NDUFB8: variants seen among roughly 807,000 people sequenced by gnomAD.
The protein encoded by NDUFB8 is NADH:ubiquinone oxidoreductase subunit B8.
Under a neutral mutation model 26.0 loss-of-function variants are expected in NDUFB8, and 17 were observed. The observed-to-expected ratio is 0.65, with a 90% CI of 0.45 to 0.98. The LOEUF is 0.98. Among genes scored for constraint, NDUFB8 ranks in the 50% least tolerant of loss-of-function variants. The pLI is 0.00. For synonymous variants in NDUFB8, 89 were observed against 93.1 expected (o/e 0.96, Z 0.25); for missense variants, 238 against 255.0 (o/e 0.93, Z 0.45).
chr10:100,525,899 A>G (rs952503826), intron 4 of NDUFB8: 5 of 153,644 alleles, frequency 3.3e-5, no homozygotes, highest in African/African-American at 1.2e-4. Flanking sequence ...TAACTTATCT[A>G]AATTTTCTTA....
Position 100,526,019 on chromosome 10 carries a change from C to A in NDUFB8, c.468+380G>T, listed in dbSNP as rs748530356. 5 of 175,054 alleles carry A rather than the reference C, an allele frequency of 2.9e-5. No individual in the cohort carries two copies. In the South Asian group the frequency reaches 7.3e-4, roughly 25 times the overall value. 10.8% of individuals were successfully genotyped at this position (175,054 alleles called of 1,614,324 possible). Reference sequence around the variant, plus strand: ...TAATTGCTTCCAATATACTACAGGACGTGCCCTTCACAAGTCCAACAAAGG... The same window carrying A: ...TAATTGCTTCCAATATACTACAGGAAGTGCCCTTCACAAGTCCAACAAAGG... On this transcript the variant is annotated intron_variant, in intron 4 of 4. Coordinates refer to ENST00000299166, the MANE Select transcript of NDUFB8 (RefSeq NM_005004.4).
chr10:100,526,305 T>C (rs937009555), intron 4 of NDUFB8, 94 bp downstream of exon 4: 21 of 1,419,674 alleles, frequency 1.5e-5, no homozygotes, highest in Non-Finnish European at 1.8e-5. Context: ...GAAGCCAAGC[T>C]TGGTATTGAC....
intron 1 of NDUFB8, 47 bp from the exon 2 acceptor site, chr10:100,529,553 C>A: frequency 1.2e-6 from 2 of 1,601,148 alleles, no homozygotes; most frequent in Non-Finnish European, 1.7e-6. Context: ...GCTCTCCAGC[C>A]GCTCCGAAGG....
intron 2 of NDUFB8, chr10:100,529,120 C>CG: frequency 3.2e-6 from 1 of 310,830 alleles, no homozygotes; most frequent in Middle Eastern, 9.3e-4. Context: ...TCCTGCTATT[C>CG]GGGGGTCCTC....
At chr10:100,529,036 G>C (rs1283697008) in intron 2 of NDUFB8, 1 of 182,194 alleles carries the variant, frequency 5.5e-6, no homozygotes, top group South Asian at 1.3e-4. Flanking sequence ...TCACATGCCT[G>C]GATGACAGCA....
downstream of NDUFB8, chr10:100,523,730 GA>G: frequency 9.6e-7 from 1 of 1,044,968 alleles, no homozygotes; most frequent in Non-Finnish European, 1.4e-6. Flanking sequence ...CTGGGGAAAT[GA>G]GGCACAAATA....
At chr10:100,525,089 C>T (rs1454752874) in intron 4 of NDUFB8, among the ~76,000 whole-genome samples, 12 of 152,064 alleles carry the variant, frequency 7.9e-5, no homozygotes, top group Admixed American at 7.9e-4. Flanking sequence ...TTAAAAATAC[C>T]GCTTCTGGAA....
chr10:100,525,345 C>A (rs1469473128), intron 4 of NDUFB8, among the ~76,000 whole-genome samples: 1 of 151,992 alleles, frequency 6.6e-6, no homozygotes, highest in Non-Finnish European at 1.5e-5. Context: ...CAACCTCTGC[C>A]TCCCAAGTTC....
rs761326945 is a variant in NDUFB8 at position 100,524,049 on chromosome 10, G to C, written c.469-120C>G. The C allele has an allele frequency of 6.3e-7, 1 of 1,584,116 alleles. No homozygotes were observed. The highest frequency in any genetic ancestry group is 1.1e-5 in the South Asian group (1 of 87,254). The stretch of plus-strand genomic sequence containing the variant: ...ACACAGTAGCCTCTGGTCAGACCCA[G>C]CTGGGCTAGGAAGGCAGGAACAGCA... On this transcript the variant is annotated intron_variant, in intron 4 of 4. Transcript: ENST00000299166. This position sits in a 1 kb window ranked among gnomAD's most constrained non-coding sequence, Gnocchi z 4.0.
Position 100,524,144 on chromosome 10 carries a change from G to A in NDUFB8, c.469-215C>T, listed in dbSNP as rs1403675764. On this transcript the variant is annotated intron_variant, in intron 4 of 4. Transcript: ENST00000299166. This position sits in a 1 kb window ranked among gnomAD's most constrained non-coding sequence, Gnocchi z 4.0. ...GTAAGAGAAGTGGTGCCTACACTGT[G>A]AGAGAGAAGGAGAAAGGGGGAGGGA... The A allele has an allele frequency of 4.5e-6, 7 of 1,571,898 alleles. No individual in the cohort carries two copies. In the Admixed American group the frequency reaches 1.1e-4, roughly 25 times the overall value.
chr10:100,529,591 C>T lies in NDUFB8; in HGVS notation c.86-85G>A. On this transcript the variant is annotated intron_variant, in intron 1 of 4. Transcript: ENST00000299166. ...TCAAGTCGCAGGGGCTGCAGAGGTC[C>T]GAGCCCGGGACTTCGCAGGATCAGT... 7 of 1,586,744 alleles carry T rather than the reference C, an allele frequency of 4.4e-6. No homozygotes were observed. The South Asian group carries it at 5.7e-5, about 13-fold the overall frequency.
intron 2 of NDUFB8, chr10:100,529,164 GAGGAAACA>G: frequency 5.0e-6 from 2 of 397,928 alleles, no homozygotes; most frequent in Non-Finnish European, 8.8e-6. Flanking sequence ...TTCCTCATTT[GAGGAAACA>G]GCCTGAGCCA....
rs1264186261 is a variant in NDUFB8 at position 100,529,402 on chromosome 10, GT to G, written c.189del (p.Glu63AspfsTer35). ...CACCCCATGCCATCATCCGGGTAAG[GT>G]TCGTAGTCTTCCACACGCATATTAT... ...KKYNMRVEDY[E>X]PYPDDGMGYG... On this transcript the variant is annotated frameshift_variant, in exon 2 of 5. Transcript: ENST00000299166. LOFTEE classifies it high-confidence loss of function. 6.8e-6 allele frequency: 11 copies of G among 1,612,460 alleles called. No individual in the cohort carries two copies. Among genetic ancestry groups the G allele is most frequent in the Non-Finnish European group, 8.5e-6 (10 of 1,179,508 alleles).
Position 100,524,056 on chromosome 10 carries a change from T to C in NDUFB8, c.469-127A>G. 1 of 1,582,328 alleles carries C rather than the reference T, an allele frequency of 6.3e-7. No individual in the cohort carries two copies. Among genetic ancestry groups the C allele is most frequent in the Non-Finnish European group, 8.6e-7 (1 of 1,163,914 alleles). Reference sequence around the variant, plus strand: ...AGCCTCTGGTCAGACCCAGCTGGGCTAGGAAGGCAGGAACAGCACTCCTCT... The same window carrying C: ...AGCCTCTGGTCAGACCCAGCTGGGCCAGGAAGGCAGGAACAGCACTCCTCT... On this transcript the variant is annotated intron_variant, in intron 4 of 4. Coordinates refer to ENST00000299166, the MANE Select transcript of NDUFB8 (RefSeq NM_005004.4). The surrounding 1 kb of genome is among the most constrained non-coding windows in gnomAD (Gnocchi z 4.0).
Position 100,524,192 on chromosome 10 carries a change from AAGGG to A in NDUFB8, c.469-267_469-264del. On this transcript the variant is annotated intron_variant, in intron 4 of 4. Coordinates refer to ENST00000299166, the MANE Select transcript of NDUFB8 (RefSeq NM_005004.4). This position sits in a 1 kb window ranked among gnomAD's most constrained non-coding sequence, Gnocchi z 4.0. Reference sequence around the variant, plus strand: ...GGAAGGGGGTTAGGGAAAGGAGGGGAAGGGAGGAAGACAGGGAGGGAGGTAAAGA... The same window carrying A: ...GGAAGGGGGTTAGGGAAAGGAGGGGAAGGAAGACAGGGAGGGAGGTAAAGA... The A allele has an allele frequency of 1.4e-6, 2 of 1,453,510 alleles. No individual in the cohort carries two copies. Among genetic ancestry groups the A allele is most frequent in the Non-Finnish European group, 1.9e-6 (2 of 1,055,996 alleles). The allele number at this position is 1,453,510 out of a possible 1,614,324, so 90.0% of individuals were successfully genotyped here.
intron 4 of NDUFB8, 60 bp downstream of exon 4, chr10:100,526,339 A>G: frequency 6.6e-7 from 1 of 1,510,270 alleles, no homozygotes; most frequent in Non-Finnish European, 8.8e-7. Context: ...CAGAGACTTC[A>G]CTCCCTCAGG....
In NDUFB8 at chr10:100,529,794, T is replaced by G; in HGVS notation, c.58A>C (p.Asn20His). ...GTCCGTGCGCCCAGCGGCATCACGT[T>G]CCGGGATGCCCTTTGCAGCCACTGG... ...GVQWLQRASRNVMPLGARTAS... is the reference protein window; with the variant it reads ...GVQWLQRASRHVMPLGARTAS... The change falls in exon 1 of 5, where the codon AAC becomes CAC. Residue 20 changes from asparagine (N) to histidine (H), a missense_variant. By Grantham distance (68) the Asn-to-His change is moderately conservative (BLOSUM62 1). Transcript: ENST00000299166. The G allele has an allele frequency of 6.2e-7, 1 of 1,613,686 alleles. No individual in the cohort carries two copies. Among genetic ancestry groups the G allele is most frequent in the Non-Finnish European group, 8.5e-7 (1 of 1,179,904 alleles).
At chr10:100,525,629 TG>T in intron 4 of NDUFB8, among the ~76,000 whole-genome samples, 1 of 94,042 alleles carries the variant, frequency 1.1e-5, no homozygotes, top group Non-Finnish European at 2.6e-5. Context: ...TGTGTGTGTG[TG>T]TGTGTGTGTG....
At position 100,523,910 on chromosome 10, in the gene NDUFB8, T is replaced by G. The variant is rs1334522892; in HGVS notation, c.488A>C (p.Tyr163Ser). Residue 163 changes from tyrosine to serine, a missense_variant, in exon 5 of 5, where the codon TAC becomes TCC. Transcript: ENST00000299166. The part of the protein sequence containing the change: ...YQPVGPKQYP[Y>S]NNLYLERGGD... ...GCCTCGTTCCAGGTACAGATTATTG[T>G]AAGGATACTGCTTTGGTCCCTACAG... 1.3e-5 allele frequency: 21 copies of G among 1,614,160 alleles called. No individual in the cohort carries two copies. The highest frequency in any genetic ancestry group is 1.8e-5 in the Non-Finnish European group (21 of 1,180,028).
Sources: allele counts gnomAD v4.1 joint callset (sites outside exome capture counted in the v4.1 genomes callset), GRCh38; gene constraint gnomAD v4.1.1; non-coding constraint Gnocchi (gnomAD v3.1); transcripts MANE v1.5; gene names NCBI Gene and HGNC (gene_info 2026-07-23, HGNC 2026-07-21).